The following KCNQ3 variants were observed in gnomAD, a reference collection of about 807,000 sequenced individuals.
KCNQ3 encodes the protein potassium voltage-gated channel subfamily Q member 3, also known as potassium voltage-gated channel subfamily KQT member 3.
Under a neutral mutation model 92.5 loss-of-function variants are expected in KCNQ3, and 30 were observed. The observed-to-expected ratio is 0.32, with a 90% CI of 0.24 to 0.44. The LOEUF is 0.44. Among genes scored for constraint, KCNQ3 ranks in the 20% least tolerant of loss-of-function variants. KCNQ3 has a pLI of 1.00. For missense variants in KCNQ3, 913 were observed against 1,140.3 expected (o/e 0.80, Z 2.87); for synonymous variants, 450 against 468.8 (o/e 0.96, Z 0.52).
At chr8:132,273,195 A>C (rs1002792880) in intron 1 of KCNQ3, among the ~76,000 whole-genome samples, 2 of 152,230 alleles carry the variant, frequency 1.3e-5, no homozygotes, top group Non-Finnish European at 2.9e-5. Flanking sequence ...CCAACCCTGC[A>C]GCAAACTTCT....
chr8:132,224,079 C>CTTTTTTTTTTTTT (rs1334898354), intron 1 of KCNQ3, among the ~76,000 whole-genome samples: 1 of 54,116 alleles, frequency 1.8e-5, no homozygotes, highest in African/African-American at 5.2e-5. Context: ...TCATGCCAGG[C>CTTTTTTTTTTTTT]TATTTTTTTT....
At chr8:132,244,335 C>T (rs1450712988) in intron 1 of KCNQ3, among the ~76,000 whole-genome samples, 2 of 147,578 alleles carry the variant, frequency 1.4e-5, no homozygotes, top group Non-Finnish European at 1.5e-5. Context: ...ATAAAAAGAG[C>T]CTAGGTCTTG....
intron 1 of KCNQ3, among the ~76,000 whole-genome samples, chr8:132,342,005 A>G (rs1818542231): frequency 6.6e-6 from 1 of 152,142 alleles, no homozygotes. Context: ...TTGTTAAGCA[A>G]AACTCTCTCC....
At chr8:132,353,587 G>A (rs1044267080) in intron 1 of KCNQ3, among the ~76,000 whole-genome samples, 1 of 152,244 alleles carries the variant, frequency 6.6e-6, no homozygotes, top group East Asian at 1.9e-4. Context: ...GCTGAAGCAG[G>A]CGGATCATCT....
At chr8:132,419,137 T>C (rs1162198901) in intron 1 of KCNQ3, among the ~76,000 whole-genome samples, 2 of 152,168 alleles carry the variant, frequency 1.3e-5, no homozygotes, top group Non-Finnish European at 2.9e-5. Context: ...AAAAGCCTAA[T>C]ACTTCGGGAA....
At chr8:132,462,597 G>A (rs1273745777) in intron 1 of KCNQ3, among the ~76,000 whole-genome samples, 1 of 152,186 alleles carries the variant, frequency 6.6e-6, no homozygotes, top group African/African-American at 2.4e-5. Flanking sequence ...GCTGGAATAT[G>A]AACTTTTGAC....
chr8:132,180,597 C>T (rs1019542627), intron 3 of KCNQ3, among the ~76,000 whole-genome samples: 2 of 152,138 alleles, frequency 1.3e-5, no homozygotes, highest in African/African-American at 4.8e-5. Context: ...CACTTTAATG[C>T]TGGCTCCAGA....
chr8:132,443,576 C>G (rs1381809058), intron 1 of KCNQ3, among the ~76,000 whole-genome samples: 1 of 152,062 alleles, frequency 6.6e-6, no homozygotes, highest in Non-Finnish European at 1.5e-5. Flanking sequence ...ACACTCCTAC[C>G]TCACTCCTCC....
intron 1 of KCNQ3, among the ~76,000 whole-genome samples, chr8:132,385,462 G>A (rs1428967108): frequency 6.6e-6 from 1 of 152,126 alleles, no homozygotes; most frequent in Non-Finnish European, 1.5e-5. Context: ...GTGTAGAGAC[G>A]TGAGGCCCAA....
At chr8:132,146,291 A>G (rs1225739323) in intron 9 of KCNQ3, among the ~76,000 whole-genome samples, 1 of 152,270 alleles carries the variant, frequency 6.6e-6, no homozygotes, top group Non-Finnish European at 1.5e-5. Context: ...ACAACGGGAT[A>G]CCATTTGGTA....
intron 1 of KCNQ3, among the ~76,000 whole-genome samples, chr8:132,362,511 G>A (rs1299141581): frequency 6.6e-6 from 1 of 152,156 alleles, no homozygotes; most frequent in African/African-American, 2.4e-5. Context: ...GTCAGTTGGG[G>A]GCAATTGGTG....
intron 2 of KCNQ3, 50 bp downstream of exon 2, chr8:132,186,041 A>C (rs566359219): frequency 2.1e-6 from 3 of 1,426,394 alleles, no homozygotes; most frequent in East Asian, 4.6e-5. Context: ...CCTCCTTTTC[A>C]TCACTCTGGA....
At chr8:132,184,740 C>G (rs1826909467) in intron 2 of KCNQ3, among the ~76,000 whole-genome samples, 2 of 152,168 alleles carry the variant, frequency 1.3e-5, no homozygotes, top group African/African-American at 4.8e-5. Flanking sequence ...GAGTGAAACA[C>G]AATCTGTTAA....
At chr8:132,267,372 C>T (rs1816020560) in intron 1 of KCNQ3, among the ~76,000 whole-genome samples, 1 of 152,162 alleles carries the variant, frequency 6.6e-6, no homozygotes, top group Admixed American at 6.5e-5. Flanking sequence ...GTCCTCTGTG[C>T]CAGGCACTAT....
At chr8:132,161,457 C>G (rs1029422451) in intron 9 of KCNQ3, among the ~76,000 whole-genome samples, 2 of 151,918 alleles carry the variant, frequency 1.3e-5, no homozygotes, top group African/African-American at 4.8e-5. Flanking sequence ...GGTGAAACCC[C>G]GTCTCTACTA....
chr8:132,174,087 G>A (rs1826469129), intron 6 of KCNQ3, 152 bp downstream of exon 6: 6 of 685,460 alleles, frequency 8.8e-6, no homozygotes, highest in Non-Finnish European at 1.6e-5. Context: ...AGGGCCTGTG[G>A]CAAAAAGGCA....
At position 132,241,468 on chromosome 8, in the gene KCNQ3, G is replaced by T. The variant is rs533902522; in HGVS notation, c.387-55287C>A. On this transcript the variant is annotated intron_variant, in intron 1 of 14. Transcript: ENST00000388996. ...GCTGGAGTGCAATGGTGCGGTATCG[G>T]CTCACTGCAACCTCTGTCTCCCAGG... Among the ~76,000 whole-genome samples, 20 of 152,124 alleles carry T rather than the reference G, an allele frequency of 1.3e-4. 1 individual carries two copies. The highest frequency in any genetic ancestry group is 4.6e-4 in the African/African-American group (19 of 41,520).
At chr8:132,294,094 G>A (rs1277187273) in intron 1 of KCNQ3, among the ~76,000 whole-genome samples, 10 of 144,604 alleles carry the variant, frequency 6.9e-5, no homozygotes, top group Non-Finnish European at 1.2e-4. Context: ...TCCGCCTCCC[G>A]GGTTCACGCC....
At chr8:132,164,420 A>C (rs1446325826) in intron 8 of KCNQ3, among the ~76,000 whole-genome samples, 1 of 151,924 alleles carries the variant, frequency 6.6e-6, no homozygotes, top group Non-Finnish European at 1.5e-5. Context: ...TGAAAGAATG[A>C]CTGGCCTAAC....
Sources: allele counts gnomAD v4.1 joint callset (sites outside exome capture counted in the v4.1 genomes callset), GRCh38; gene constraint gnomAD v4.1.1; transcripts MANE v1.5; gene names NCBI Gene and HGNC (gene_info 2026-07-23, HGNC 2026-07-21).